Variants in ZFP64 observed in about 807,000 individuals in gnomAD.
The protein encoded by ZFP64 is zinc finger protein 64.
In ZFP64, 14 loss-of-function variants were observed where a neutral mutation model predicts 51.6. That is an observed-to-expected ratio of 0.27 (90% confidence interval 0.18 to 0.42). The LOEUF (loss-of-function observed/expected upper bound fraction) is 0.42, where lower values mean the gene tolerates loss of function less well. Ranked by LOEUF, ZFP64 falls within the 10% of genes least tolerant of loss-of-function variation. The pLI is 1.00. For synonymous variants in ZFP64, 375 were observed against 361.4 expected, an observed-to-expected ratio of 1.04 and a Z score of -0.43; for missense variants, 754 against 906.8, an observed-to-expected ratio of 0.83 and a Z score of 2.16.
At chr20:52,175,337 G>C (rs1373026615) in intron 2 of ZFP64, among the ~76,000 whole-genome samples, 1 of 151,996 alleles carries the variant, frequency 6.6e-6, no homozygotes, top group Non-Finnish European at 1.5e-5. Context: ...TGGCCAGCCT[G>C]GTCTTGAACT....
At position 52,170,893 on chromosome 20, in the gene ZFP64, A is replaced by T. The variant is rs1982663180; in HGVS notation, c.287-4868T>A. ...GCATGCAATAAGTATTTAAATATAT[A>T]GTGTGCAAATCAAGTGGTGTAAATA... On this transcript the variant is annotated intron_variant, in intron 2 of 5. Transcript: ENST00000216923. Among the ~76,000 whole-genome samples the T allele has an allele frequency of 1.3e-5, 2 of 152,218 alleles. 1 individual carries two copies. The highest frequency in any genetic ancestry group is 2.9e-5 in the Non-Finnish European group (2 of 68,042).
At chr20:52,134,915 G>T (rs535562111) in intron 5 of ZFP64, among the ~76,000 whole-genome samples, 6 of 151,920 alleles carry the variant, frequency 3.9e-5, no homozygotes, top group Admixed American at 2.6e-4. Context: ...CAGGTTGGAG[G>T]GCAGTGGCAC....
At chr20:52,150,015 T>C (rs1980712586), downstream of ZFP64, among the ~76,000 whole-genome samples, 1 of 152,068 alleles carries the variant, frequency 6.6e-6, no homozygotes, top group African/African-American at 2.4e-5. Flanking sequence ...GAGACCATCC[T>C]GGCTACGGTG....
intron 1 of ZFP64, among the ~76,000 whole-genome samples, chr20:52,187,860 C>T (rs1000136706): frequency 6.6e-6 from 1 of 152,164 alleles, no homozygotes; most frequent in African/African-American, 2.4e-5. Context: ...AACCAGCAGC[C>T]ACCTCCTATC....
chr20:52,132,090 C>A, intron 5 of ZFP64, among the ~76,000 whole-genome samples: 1 of 151,850 alleles, frequency 6.6e-6, no homozygotes, highest in South Asian at 2.1e-4. Flanking sequence ...TATACAAATA[C>A]CTGGAAATTA....
At chr20:52,096,868 G>A in intron 7 of ZFP64, 5 of 330,278 alleles carry the variant, frequency 1.5e-5, no homozygotes, top group South Asian at 1.2e-4. Context: ...TAGCCTGGGT[G>A]ACAGAGCAGG....
At chr20:52,129,079 A>G (rs1979587004) in intron 5 of ZFP64, among the ~76,000 whole-genome samples, 1 of 114,162 alleles carries the variant, frequency 8.8e-6, no homozygotes, top group South Asian at 2.6e-4. Context: ...ACTCCTGGCT[A>G]ATTTTTTTTT....
chr20:52,108,956 G>A (rs73270822), intron 5 of ZFP64, among the ~76,000 whole-genome samples: 9 of 151,588 alleles, frequency 5.9e-5, no homozygotes, highest in Non-Finnish European at 8.8e-5. Flanking sequence ...TTGGCCATGC[G>A]TAATCAGTCA....
chr20:52,137,484 G>T (rs1180528369), intron 5 of ZFP64, among the ~76,000 whole-genome samples: 1 of 152,170 alleles, frequency 6.6e-6, no homozygotes, highest in Non-Finnish European at 1.5e-5. Context: ...GACAAAAGAA[G>T]TCCCACCTAT....
chr20:52,189,770 G>A (rs1158176244), intron 1 of ZFP64, among the ~76,000 whole-genome samples: 3 of 152,018 alleles, frequency 2.0e-5, no homozygotes. Flanking sequence ...CACCGTGCCT[G>A]GCCCTTTTTC....
chr20:52,175,495 G>T (rs1199188234), intron 2 of ZFP64, among the ~76,000 whole-genome samples: 2 of 152,178 alleles, frequency 1.3e-5, no homozygotes, highest in African/African-American at 4.8e-5. Context: ...TCATGCTTAG[G>T]ATTCTCATTT....
At chr20:52,098,305 G>C in intron 6 of ZFP64, 1 of 1,266,180 alleles carries the variant, frequency 7.9e-7, no homozygotes, top group African/African-American at 1.5e-5. Context: ...GAAGGCTGTT[G>C]TGTGCTGATG....
chr20:52,100,240 C>T (rs747792445), intron 5 of ZFP64, among the ~76,000 whole-genome samples: 10 of 151,458 alleles, frequency 6.6e-5, no homozygotes, highest in Admixed American at 1.3e-4. Flanking sequence ...CCACCCACCT[C>T]GGCCTCCCAA....
intron 5 of ZFP64, among the ~76,000 whole-genome samples, chr20:52,158,758 C>A (rs1232129868): frequency 6.6e-6 from 1 of 152,118 alleles, no homozygotes; most frequent in African/African-American, 2.4e-5. Context: ...CCCTGCATCC[C>A]CGACCTTTGC....
At chr20:52,136,904 A>C (rs1398307738) in intron 5 of ZFP64, among the ~76,000 whole-genome samples, 1 of 152,132 alleles carries the variant, frequency 6.6e-6, no homozygotes, top group Non-Finnish European at 1.5e-5. Flanking sequence ...AGCCGGGACT[A>C]CAGGCATCCA....
intron 6 of ZFP64, among the ~76,000 whole-genome samples, chr20:52,098,109 G>A (rs960481969): frequency 1.4e-5 from 2 of 144,924 alleles, no homozygotes; most frequent in Non-Finnish European, 3.0e-5. Flanking sequence ...AGAGGCGGAG[G>A]TTGCAGTGAG....
intron 2 of ZFP64, among the ~76,000 whole-genome samples, chr20:52,182,591 G>A (rs951671873): frequency 6.6e-6 from 1 of 152,098 alleles, no homozygotes; most frequent in Non-Finnish European, 1.5e-5. Flanking sequence ...TGGTGGCGCA[G>A]GCCTGTAGTC....
At chr20:52,121,327 A>T (rs1979181103) in intron 5 of ZFP64, among the ~76,000 whole-genome samples, 1 of 152,244 alleles carries the variant, frequency 6.6e-6, no homozygotes. Flanking sequence ...CAGCCAAGTC[A>T]AGGATGCAAA....
At chr20:52,089,395 G>A (rs2078898010) in intron 7 of ZFP64, among the ~76,000 whole-genome samples, 1 of 152,124 alleles carries the variant, frequency 6.6e-6, no homozygotes, top group African/African-American at 2.4e-5. Flanking sequence ...ACAGCTATTG[G>A]TGGATGTAGG....
Sources: gnomAD v4.1 joint callset for allele counts (sites outside exome capture counted in the v4.1 genomes callset) on GRCh38, gnomAD v4.1.1 for gene constraint, MANE v1.5 for transcripts, NCBI Gene and HGNC (gene_info 2026-07-23, HGNC 2026-07-21) for gene names.